Variants in RHOBTB3 observed in about 807,000 individuals in gnomAD.
RHOBTB3 encodes rho-related BTB domain-containing protein 3.
A neutral mutation model predicts 67.2 loss-of-function variants in RHOBTB3; 47 were observed. That is an observed-to-expected ratio of 0.70 (90% CI 0.55 to 0.89). The LOEUF (loss-of-function observed/expected upper bound fraction) is 0.89. Ranked by LOEUF, RHOBTB3 falls within the 40% of genes least tolerant of loss-of-function variation. The pLI is 0.00. For missense variants in RHOBTB3, 631 were observed against 750.0 expected (o/e 0.84, Z 1.85); for synonymous variants, 273 against 274.2 (o/e 1.00, Z 0.04).
intron 8 of RHOBTB3, chr5:95,769,122 C>G: frequency 8.1e-6 from 3 of 369,058 alleles, no homozygotes; most frequent in Non-Finnish European, 1.1e-5. Context: ...TTCAAGGTGT[C>G]GACCTTTTAG....
intron 4 of RHOBTB3, among the ~76,000 whole-genome samples, chr5:95,749,899 C>A (rs1745039885): frequency 6.6e-6 from 1 of 152,216 alleles, no homozygotes. Context: ...TCCTCTCTTT[C>A]TCTTCTTCTG....
At chr5:95,744,339 A>C (rs1755689815) in intron 3 of RHOBTB3, among the ~76,000 whole-genome samples, 1 of 152,052 alleles carries the variant, frequency 6.6e-6, no homozygotes, top group Non-Finnish European at 1.5e-5. Context: ...ATCCCCCCAG[A>C]CAGTTAACTT....
At chr5:95,739,237 C>A (rs1456547932) in intron 3 of RHOBTB3, among the ~76,000 whole-genome samples, 1 of 152,192 alleles carries the variant, frequency 6.6e-6, no homozygotes, top group Admixed American at 6.5e-5. Flanking sequence ...TTCCGCATAT[C>A]CAGTTGATTA....
At position 95,783,740 on chromosome 5, in the gene RHOBTB3, G is replaced by A; in HGVS notation, c.1457-57G>A. On this transcript the variant is annotated intron_variant, in intron 9 of 11. Coordinates refer to ENST00000379982, the MANE Select transcript of RHOBTB3 (RefSeq NM_014899.4). ...GTTTTTTGTTGGTGGGGGGTGTTTA[G>A]ATCATTAAAGAAATGGTTTCATCAT... The A allele has an allele frequency of 2.7e-6, 4 of 1,480,356 alleles. No homozygotes were observed. The South Asian group carries it at 3.7e-5, about 14-fold the overall frequency. The allele number at this position is 1,480,356 out of a possible 1,614,324, so 91.7% of individuals were successfully genotyped here.
intron 3 of RHOBTB3, among the ~76,000 whole-genome samples, chr5:95,744,760 T>C (rs1327065981): frequency 6.6e-6 from 1 of 152,130 alleles, no homozygotes; most frequent in African/African-American, 2.4e-5. Context: ...TTTGTTTGTT[T>C]GTTTGTTTTT....
intron 4 of RHOBTB3, among the ~76,000 whole-genome samples, chr5:95,750,361 T>C (rs1281047148): frequency 1.3e-5 from 2 of 152,222 alleles, no homozygotes; most frequent in Non-Finnish European, 2.9e-5. Context: ...CTGGAGCTGG[T>C]GGACTTCATT....
At chr5:95,775,918 A>G (rs1425107615) in intron 8 of RHOBTB3, among the ~76,000 whole-genome samples, 1 of 152,182 alleles carries the variant, frequency 6.6e-6, no homozygotes, top group African/African-American at 2.4e-5. Flanking sequence ...ACTTTTTTTA[A>G]GTTACAGTGA....
intron 3 of RHOBTB3, among the ~76,000 whole-genome samples, chr5:95,740,687 C>T (rs2112781228): frequency 6.6e-6 from 1 of 152,288 alleles, no homozygotes; most frequent in Non-Finnish European, 1.5e-5. Context: ...TGGTTTGTCT[C>T]TTTCTGAAAT....
At chr5:95,732,351 T>TAGGCAGC in intron 2 of RHOBTB3, 1 of 586,532 alleles carries the variant, frequency 1.7e-6, no homozygotes, top group Admixed American at 3.0e-5. Context: ...TGACCCTTGG[T>TAGGCAGC]AGGCAGCAGA....
chr5:95,726,009 A>G (rs1755043578), upstream of RHOBTB3, among the ~76,000 whole-genome samples: 1 of 152,182 alleles, frequency 6.6e-6, no homozygotes, highest in African/African-American at 2.4e-5. Flanking sequence ...TTCAAAATGT[A>G]TTTCATTTAT....
intron 3 of RHOBTB3, among the ~76,000 whole-genome samples, chr5:95,745,738 C>T (rs762152133): frequency 4.6e-5 from 7 of 152,102 alleles, no homozygotes; most frequent in Non-Finnish European, 8.8e-5. Flanking sequence ...AGCACTCATT[C>T]AGAGTCACGT....
upstream of RHOBTB3, chr5:95,731,279 C>A (rs908218963): frequency 9.8e-7 from 1 of 1,019,112 alleles, no homozygotes; most frequent in Non-Finnish European, 1.2e-6. Context: ...GGGGCGGAGG[C>A]CCCGATCTCC....
At chr5:95,783,561 CAAAAAAAAAAAA>C (rs201633409) in intron 9 of RHOBTB3, 32,938 of 108,268 alleles carry the variant, frequency 0.3, 2,493 homozygotes, top group South Asian at 0.38. Flanking sequence ...CCTGTCTCTA[CAAAAAAAAAAAA>C]AAAAAAAAAA....
At chr5:95,791,083 A>G (rs1746371726) in intron 11 of RHOBTB3, among the ~76,000 whole-genome samples, 1 of 152,150 alleles carries the variant, frequency 6.6e-6, no homozygotes. Flanking sequence ...GTTTCTTGTC[A>G]CGGTCACTCT....
intron 6 of RHOBTB3, among the ~76,000 whole-genome samples, chr5:95,761,295 A>G (rs1745386222): frequency 6.6e-6 from 1 of 151,590 alleles, no homozygotes; most frequent in Non-Finnish European, 1.5e-5. Flanking sequence ...GCATACCACT[A>G]ACACTGGGTT....
chr5:95,735,205 C>A (rs1755424872), intron 2 of RHOBTB3, among the ~76,000 whole-genome samples: 1 of 151,520 alleles, frequency 6.6e-6, no homozygotes, highest in South Asian at 2.1e-4. Context: ...TGCCCCCTTG[C>A]ACCCTCTACC....
intron 7 of RHOBTB3, among the ~76,000 whole-genome samples, chr5:95,766,215 A>G (rs746467264): frequency 4.0e-5 from 6 of 151,858 alleles, no homozygotes; most frequent in Admixed American, 1.3e-4. Flanking sequence ...ACTTCCCACC[A>G]TAGTAGATTA....
intron 8 of RHOBTB3, among the ~76,000 whole-genome samples, chr5:95,774,151 A>G (rs1358011803): frequency 6.6e-6 from 1 of 152,212 alleles, no homozygotes; most frequent in Non-Finnish European, 1.5e-5. Context: ...CATATTATGA[A>G]CATTTTTTTT....
intron 11 of RHOBTB3, chr5:95,789,255 C>G (rs1298484986): frequency 5.9e-6 from 1 of 168,538 alleles, no homozygotes; most frequent in Non-Finnish European, 1.2e-5. Context: ...GAATTTAACT[C>G]TTGTTAACTA....
Sources: gnomAD v4.1 joint callset for allele counts (sites outside exome capture counted in the v4.1 genomes callset) on GRCh38, gnomAD v4.1.1 for gene constraint, MANE v1.5 for transcripts, NCBI Gene and HGNC (gene_info 2026-07-23, HGNC 2026-07-21) for gene names.